Variants in TJP1 observed in about 807,000 individuals in gnomAD.
TJP1 encodes the protein tight junction protein ZO-1.
Under a neutral mutation model 194.2 loss-of-function variants are expected in TJP1, and 43 were observed. The ratio of observed to expected loss-of-function variants is 0.22; its 90% CI spans 0.17 to 0.29. TJP1 has a LOEUF of 0.29. Ranked by LOEUF, TJP1 falls within the 10% of genes least tolerant of loss-of-function variation. The probability of loss-of-function intolerance (pLI) is 1.00; values close to 1 mark genes in which losing one functional copy is unlikely to be tolerated. For missense variants in TJP1, 1,971 were observed against 2,185.7 expected, an observed-to-expected ratio of 0.90 and a Z score of 1.96; for synonymous variants, 801 against 779.0, an observed-to-expected ratio of 1.03 and a Z score of -0.47.
chr15:29,798,737 T>C (rs1057415987), intron 2 of TJP1, among the ~76,000 whole-genome samples: 1 of 152,212 alleles, frequency 6.6e-6, no homozygotes, highest in Non-Finnish European at 1.5e-5. Context: ...GGTTTGTTCA[T>C]AATCAATGGA....
intron 2 of TJP1, among the ~76,000 whole-genome samples, chr15:29,789,548 A>G (rs2047936590): frequency 6.6e-6 from 1 of 152,232 alleles, no homozygotes; most frequent in Non-Finnish European, 1.5e-5. Flanking sequence ...TAGGGTTTCA[A>G]TGGTTTCTAG....
At chr15:29,898,342 G>A (rs529307685) in intron 2 of TJP1, among the ~76,000 whole-genome samples, 12 of 152,276 alleles carry the variant, frequency 7.9e-5, no homozygotes, top group South Asian at 2.1e-4. Context: ...CCCCAGCCAC[G>A]TGGAACTGTA....
chr15:29,785,101 G>C (rs2047618932), intron 2 of TJP1, among the ~76,000 whole-genome samples: 1 of 152,160 alleles, frequency 6.6e-6, no homozygotes. Context: ...TGCCAAGACA[G>C]TTGATTTTTA....
chr15:29,866,597 G>A (rs2052310177), intron 2 of TJP1, among the ~76,000 whole-genome samples: 1 of 152,084 alleles, frequency 6.6e-6, no homozygotes, highest in African/African-American at 2.4e-5. Flanking sequence ...TATCACAAAA[G>A]CTGTCCTTAC....
At chr15:29,714,163 A>G (rs1482321401) in intron 23 of TJP1, among the ~76,000 whole-genome samples, 1 of 152,222 alleles carries the variant, frequency 6.6e-6, no homozygotes, top group Non-Finnish European at 1.5e-5. Flanking sequence ...TCTTTCTAGA[A>G]AAACAAATTA....
At chr15:29,796,189 A>C (rs1482490173) in intron 2 of TJP1, among the ~76,000 whole-genome samples, 1 of 152,112 alleles carries the variant, frequency 6.6e-6, no homozygotes, top group African/African-American at 2.4e-5. Flanking sequence ...TAGTGCAATA[A>C]GGCAAGAAAA....
intron 2 of TJP1, among the ~76,000 whole-genome samples, chr15:29,838,659 T>C (rs2051117583): frequency 6.6e-6 from 1 of 151,860 alleles, no homozygotes; most frequent in Admixed American, 6.6e-5. Context: ...CTCTGCAACT[T>C]TATCACAATG....
intron 1 of TJP1, chr15:29,968,111 T>G (rs2056392262): frequency 1.0e-6 from 1 of 985,450 alleles, no homozygotes; most frequent in African/African-American, 1.7e-5. Flanking sequence ...TCAGTAACAG[T>G]TTCCAGGTCG....
Position 29,720,338 on chromosome 15 carries a change from G to A in TJP1, c.2763+20C>T, listed in dbSNP as rs773316157. On this transcript the variant is annotated intron_variant, in intron 19 of 27. Transcript: ENST00000614355. ...AATAATGCACCTCTATCTACAAAAC[G>A]TTGAATGCTTGCTGCTTACCTGTTG... The A allele has an allele frequency of 7.2e-6, 11 of 1,529,200 alleles. No individual in the cohort carries two copies. The Admixed American group carries it at 1.1e-4, about 15-fold the overall frequency. 94.7% of individuals were successfully genotyped at this position (1,529,200 alleles called of 1,614,324 possible). A position where few individuals can be genotyped will look rare whatever the true frequency, so the allele number is the denominator to read the frequency against.
intron 10 of TJP1, chr15:29,741,006 A>ATT (rs980154124): frequency 7.1e-4 from 124 of 173,738 alleles, no homozygotes; most frequent in Middle Eastern, 2.6e-3. Flanking sequence ...AGAAACACTG[A>ATT]TTTTTTTTTT....
At chr15:29,818,675 T>A (rs1369992000) in intron 1 of TJP1, among the ~76,000 whole-genome samples, 29 of 147,698 alleles carry the variant, frequency 2.0e-4, no homozygotes, top group Non-Finnish European at 3.2e-4. Flanking sequence ...CGGCTATTTT[T>A]TTTTTTTTTT....
At chr15:29,844,551 C>T (rs1382253779) in intron 2 of TJP1, among the ~76,000 whole-genome samples, 1 of 152,044 alleles carries the variant, frequency 6.6e-6, no homozygotes, top group Admixed American at 6.5e-5. Flanking sequence ...GCAGAGCTGA[C>T]AAGATGCGAG....
chr15:29,922,957 T>C (rs2054412127), intron 2 of TJP1, among the ~76,000 whole-genome samples: 1 of 145,400 alleles, frequency 6.9e-6, no homozygotes, highest in African/African-American at 2.5e-5. Context: ...AAAACACATA[T>C]GAAAAAACTG....
chr15:29,815,293 T>G (rs893708295), intron 1 of TJP1, among the ~76,000 whole-genome samples: 6 of 152,246 alleles, frequency 3.9e-5, no homozygotes, highest in African/African-American at 1.4e-4. Context: ...TTTATAGGAT[T>G]AACTTTAAAA....
At chr15:29,726,291 A>AATT (rs2043231188) in intron 18 of TJP1, 88 bp downstream of exon 18, 9 of 1,120,040 alleles carry the variant, frequency 8.0e-6, no homozygotes, top group Non-Finnish European at 1.2e-5. Context: ...ATGTTGATCT[A>AATT]ATTAGAAAGC....
rs143187157 is a variant in TJP1, at chr15:29,923,941, T to C, written c.306+32291A>G. ...TATGTGTTATTCTAATGTGTGTGAG[T>C]TTCACCACTGGCATGCAACAAATCA... On this transcript the variant is annotated intron_variant, in intron 2 of 28. Coordinates refer to the TJP1 transcript ENST00000356107. Among the ~76,000 whole-genome samples the C allele has an allele frequency of 6.1e-3, 925 of 152,294 alleles. 5 individuals are homozygous for C. The highest frequency in any genetic ancestry group is 8.0e-3 in the Admixed American group (122 of 15,306).
At chr15:29,968,960 G>T, upstream of TJP1, 1 of 154,476 alleles carries the variant, frequency 6.5e-6, no homozygotes, top group South Asian at 1.8e-4. Context: ...CGCCGTGCGT[G>T]CCCGGCCGCT....
intron 2 of TJP1, among the ~76,000 whole-genome samples, chr15:29,903,131 C>T (rs2053686530): frequency 1.3e-5 from 2 of 152,130 alleles, no homozygotes; most frequent in Admixed American, 1.3e-4. Context: ...ACCCACTTCC[C>T]TCCCCATACA....
intron 2 of TJP1, among the ~76,000 whole-genome samples, chr15:29,795,893 A>C (rs1223118871): frequency 6.6e-6 from 1 of 152,226 alleles, no homozygotes; most frequent in South Asian, 2.1e-4. Context: ...TAAGAAGAAA[A>C]CCCATATAAT....
Sources: gnomAD v4.1 joint callset for allele counts (sites outside exome capture counted in the v4.1 genomes callset) on GRCh38, gnomAD v4.1.1 for gene constraint, MANE v1.5 for transcripts, NCBI Gene and HGNC (gene_info 2026-07-23, HGNC 2026-07-21) for gene names.